The following SRCIN1 variants were observed in gnomAD, a reference collection of about 807,000 sequenced individuals.
SRCIN1 encodes the protein SRC kinase signaling inhibitor 1, also known as P130Cas-associated protein.
In SRCIN1, 50 loss-of-function variants were observed where a neutral mutation model predicts 116.2. The ratio of observed to expected loss-of-function variants is 0.43; its 90% confidence interval spans 0.34 to 0.54. The LOEUF (loss-of-function observed/expected upper bound fraction) is 0.54, where lower values mean the gene tolerates loss of function less well. Ranked by LOEUF, SRCIN1 falls within the 20% of genes least tolerant of loss-of-function variation. The probability of loss-of-function intolerance (pLI) is 0.02; values close to 1 mark genes in which losing one functional copy is unlikely to be tolerated. For synonymous variants in SRCIN1, 736 were observed against 750.0 expected (o/e 0.98, Z 0.30); for missense variants, 1,446 against 1,672.0 (o/e 0.86, Z 2.36).
At chr17:38,557,810 G>A (rs1051432093) in intron 11 of SRCIN1, among the ~76,000 whole-genome samples, 2 of 152,284 alleles carry the variant, frequency 1.3e-5, no homozygotes, top group East Asian at 1.9e-4. Context: ...GCTGGTCAGC[G>A]CCAGGCTGGA....
At chr17:38,593,516 T>C (rs1026753999) in intron 1 of SRCIN1, among the ~76,000 whole-genome samples, 1 of 152,092 alleles carries the variant, frequency 6.6e-6, no homozygotes, top group Non-Finnish European at 1.5e-5. Context: ...ACTCTCTCTC[T>C]GACCTCAGGC....
Position 38,564,277 on chromosome 17 carries a change from C to G in SRCIN1, c.382G>C (p.Gly128Arg). 6.4e-7 allele frequency: 1 copy of G among 1,571,472 alleles called. No homozygotes were observed. Among genetic ancestry groups the G allele is most frequent in the Non-Finnish European group, 8.6e-7 (1 of 1,162,044 alleles). Residue 128 changes from glycine (G) to arginine (R), a missense_variant, in exon 4 of 19, where the codon GGG becomes CGG. Around this residue, in one of 5 missense-constraint regions of SRCIN1, gnomAD observed 246 missense variants for 265.1 expected, o/e 0.93. Coordinates refer to ENST00000617146, the MANE Select transcript of SRCIN1 (RefSeq NM_025248.3). ...SSRHTQGAQPGLADQAAKLSY... is the reference protein window; with the variant it reads ...SSRHTQGAQPRLADQAAKLSY... ...AGCTTTGCCGCCTGGTCTGCCAGCC[C>G]GGGCTGGGCTCCCTGAGTGTGGCGT...
intron 18 of SRCIN1, chr17:38,541,994 GTGGAGGC>G (rs1904776883): frequency 6.6e-6 from 1 of 152,416 alleles, no homozygotes; most frequent in South Asian, 2.1e-4. Flanking sequence ...GAGGCTCCAG[GTGGAGGC>G]TGGGGAGAGG....
rs1331190520 is a variant in SRCIN1, at chr17:38,602,208, C to G, written c.22+3476G>C. 6.6e-6 allele frequency: 1 copy of G among 152,312 alleles called. No homozygotes were observed. Among genetic ancestry groups the G allele is most frequent in the African/African-American group, 2.4e-5 (1 of 41,430 alleles). The allele number at this position is 152,312 out of a possible 1,614,324, so 9.4% of individuals were successfully genotyped here. ...CAGTCCTCCCTCCTTCACTGCCTCC[C>G]TCCCTTCCTCCCTCGGGGCAGGCAC... On this transcript the variant is annotated intron_variant, in intron 1 of 18. Transcript: ENST00000617146. This position sits in a 1 kb window ranked among gnomAD's most constrained non-coding sequence, Gnocchi z 4.2.
chr17:38,594,942 AC>A (rs1908643135), intron 1 of SRCIN1, among the ~76,000 whole-genome samples: 1 of 152,140 alleles, frequency 6.6e-6, no homozygotes. Flanking sequence ...CATCAAGGTC[AC>A]TAGGGACTTG....
intron 18 of SRCIN1, among the ~76,000 whole-genome samples, chr17:38,534,336 C>G (rs972175562): frequency 6.6e-6 from 1 of 152,216 alleles, no homozygotes. Flanking sequence ...CAGAATCCAT[C>G]TCTTGTGTGG....
At position 38,558,716 on chromosome 17, in the gene SRCIN1, G is replaced by A. The variant is rs533913740; in HGVS notation, c.2026-314C>T. On this transcript the variant is annotated intron_variant, in intron 10 of 18. Transcript: ENST00000617146. The surrounding 1 kb of genome is among the most constrained non-coding windows in gnomAD (Gnocchi z 4.6). ...GGGAGCTGCATGGCTGTGGCCGCGA[G>A]CAGGGGTGGTATTGCAGGGGGAGGA... Among the ~76,000 whole-genome samples the A allele has an allele frequency of 4.6e-5, 7 of 152,306 alleles. No individual in the cohort carries two copies. The highest frequency in any genetic ancestry group is 2.0e-4 in the Admixed American group (3 of 15,292).
chr17:38,598,433 CG>C, intron 1 of SRCIN1, among the ~76,000 whole-genome samples: 1 of 152,098 alleles, frequency 6.6e-6, no homozygotes. Context: ...CTGCAGAACA[CG>C]TCCCCCCCGC....
intron 18 of SRCIN1, 54 bp downstream of exon 18, chr17:38,543,750 AGATGCCCAGTGGGGCAGGG>A: frequency 6.4e-7 from 1 of 1,551,304 alleles, no homozygotes; most frequent in Non-Finnish European, 8.7e-7. Flanking sequence ...CAGGGGCAGG[AGATGCCCAGTGGGGCAGGG>A]GCCCGGCATG....
intron 18 of SRCIN1, among the ~76,000 whole-genome samples, chr17:38,535,976 G>A (rs557006297): frequency 6.6e-6 from 1 of 152,256 alleles, no homozygotes; most frequent in East Asian, 1.9e-4. Context: ...TTTGGTCTTG[G>A]GAACACTTGT....
At chr17:38,583,953 T>G (rs550179262) in intron 1 of SRCIN1, among the ~76,000 whole-genome samples, 1 of 152,054 alleles carries the variant, frequency 6.6e-6, no homozygotes, top group African/African-American at 2.4e-5. Flanking sequence ...CATCAGCAAG[T>G]CCTCGGAGTG....
chr17:38,585,355 C>T lies in SRCIN1; in HGVS notation c.23-6564G>A, dbSNP rs139086629. 2.5e-3 allele frequency among the ~76,000 whole-genome samples: 376 copies of T among 152,350 alleles called. 1 individual carries two copies. Among genetic ancestry groups the T allele is most frequent in the Non-Finnish European group, 3.9e-3 (266 of 68,032 alleles). On this transcript the variant is annotated intron_variant, in intron 1 of 18. Coordinates refer to ENST00000617146, the MANE Select transcript of SRCIN1 (RefSeq NM_025248.3). The surrounding 1 kb of genome is among the most constrained non-coding windows in gnomAD (Gnocchi z 4.2). Reference sequence around the variant, plus strand: ...AGCCCAAGTCAGCCAGGAGGAGCCCCGAGGCACTGCCACCTTCGATTGTGC... The same window carrying T: ...AGCCCAAGTCAGCCAGGAGGAGCCCTGAGGCACTGCCACCTTCGATTGTGC...
chr17:38,578,358 C>T (rs1907545995), intron 2 of SRCIN1, 132 bp downstream of exon 2: 3 of 1,193,934 alleles, frequency 2.5e-6, no homozygotes, highest in Non-Finnish European at 1.1e-6. Context: ...CAACTCCTCC[C>T]CTTCTTCCCT....
chr17:38,543,798 T>G, intron 18 of SRCIN1, 25 bp downstream of exon 18: 10 of 1,598,914 alleles, frequency 6.3e-6, no homozygotes, highest in Non-Finnish European at 8.5e-6. Context: ...TGGGCCTGGG[T>G]GGCCCCCACA....
chr17:38,539,022 A>C (rs2144888440), intron 18 of SRCIN1, among the ~76,000 whole-genome samples: 1 of 152,240 alleles, frequency 6.6e-6, no homozygotes, highest in East Asian at 1.9e-4. Context: ...CATTATAGCG[A>C]TTGTCATTTT....
Position 38,604,844 on chromosome 17 carries a change from C to A in SRCIN1, c.22+840G>T, listed in dbSNP as rs1809195307. ...CCACCCTCCACCCCTCAGCCGCCTGCCTTCCCTATCTTCTCACTCACCCTA... is the reference window on the plus strand; with the variant it reads ...CCACCCTCCACCCCTCAGCCGCCTGACTTCCCTATCTTCTCACTCACCCTA... On this transcript the variant is annotated intron_variant, in intron 1 of 18. Transcript: ENST00000617146. The surrounding 1 kb of genome is among the most constrained non-coding windows in gnomAD (Gnocchi z 4.3). 6.6e-6 allele frequency among the ~76,000 whole-genome samples: 1 copy of A among 150,624 alleles called. No homozygotes were observed. Among genetic ancestry groups the A allele is most frequent in the Non-Finnish European group, 1.5e-5 (1 of 67,546 alleles).
chr17:38,580,903 A>T (rs759391177), intron 1 of SRCIN1, among the ~76,000 whole-genome samples: 1 of 152,122 alleles, frequency 6.6e-6, no homozygotes, highest in Non-Finnish European at 1.5e-5. Context: ...TGGTGTGATC[A>T]TAGCTCACTG....
chr17:38,561,745 G>A lies in SRCIN1; in HGVS notation c.1418C>T (p.Ser473Leu), dbSNP rs773829420. The stretch of plus-strand genomic sequence containing the variant: ...CACGTCGGCCAGCTTCTGCGGTGAC[G>A]AAGGCGGCAGGCGGAAGCCGTAGCC... ...GDGYGFRLPPSSPQKLADVAA... is the reference protein window; with the variant it reads ...GDGYGFRLPPLSPQKLADVAA... Residue 473 changes from serine (S) to leucine (L), a missense_variant, in exon 7 of 19, where the codon TCG becomes TTG. Ser to Leu is a moderately radical substitution (Grantham distance 145, BLOSUM62 -2). Transcript: ENST00000617146. The A allele has an allele frequency of 4.0e-6, 6 of 1,516,082 alleles. No individual in the cohort carries two copies. The African/African-American group carries it at 7.1e-5, about 18-fold the overall frequency. 93.9% of individuals were successfully genotyped at this position (1,516,082 alleles called of 1,614,324 possible). A position where few individuals can be genotyped will look rare whatever the true frequency, so the allele number is the denominator to read the frequency against.
chr17:38,563,694 G>A lies in SRCIN1; in HGVS notation c.542-173C>T. On this transcript the variant is annotated intron_variant, in intron 4 of 18. Coordinates refer to ENST00000617146, the MANE Select transcript of SRCIN1 (RefSeq NM_025248.3). The surrounding 1 kb of genome is among the most constrained non-coding windows in gnomAD (Gnocchi z 5.8). The stretch of plus-strand genomic sequence containing the variant: ...CACCTCTCATGCTGCCGGCGGGGGC[G>A]CCAGGCCGGCTCTCCAGCCTCTCAA... 3.3e-6 allele frequency: 3 copies of A among 913,362 alleles called. No individual in the cohort carries two copies. Among genetic ancestry groups the A allele is most frequent in the Non-Finnish European group, 3.4e-6 (2 of 581,752 alleles). 56.6% of individuals were successfully genotyped at this position (913,362 alleles called of 1,614,324 possible). A position where few individuals can be genotyped will look rare whatever the true frequency, so the allele number is the denominator to read the frequency against.
Sources: gnomAD v4.1 joint callset for allele counts (sites outside exome capture counted in the v4.1 genomes callset) on GRCh38, gnomAD v4.1.1 for gene constraint, gnomAD v4.1.1 regional missense constraint, Gnocchi (gnomAD v3.1) non-coding constraint, MANE v1.5 for transcripts, NCBI Gene and HGNC (gene_info 2026-07-23, HGNC 2026-07-21) for gene names.